CHST4: variants seen among roughly 807,000 people sequenced by gnomAD.
CHST4 encodes GST-3.
For missense variants in CHST4, 466 were observed against 506.0 expected (o/e 0.92, Z 0.76); for synonymous variants, 171 against 195.5 (o/e 0.87, Z 1.05).
Position 71,536,691 on chromosome 16 carries a change from A to G in CHST4, c.14A>G (p.Lys5Arg). The G allele has an allele frequency of 1.3e-6, 2 of 1,491,732 alleles. No individual in the cohort carries two copies. The highest frequency in any genetic ancestry group is 1.8e-6 in the Non-Finnish European group (2 of 1,122,430). 92.4% of individuals were successfully genotyped at this position (1,491,732 alleles called of 1,614,324 possible). The change falls in exon 2 of 2, where the codon AAA becomes AGA. Residue 5 changes from lysine (K) to arginine (R), a missense_variant. By Grantham distance (26) the Lys-to-Arg change is conservative. Transcript: ENST00000539698. MLLP[K>R]KMKLLLFLVS... ...CACTTCAGCACAATGCTACTGCCTA[A>G]AAAAATGAAGCTCCTGCTGTTTCTG...
rs1194314364 is a variant in CHST4, at chr16:71,537,660, T to G, written c.983T>G (p.Leu328Arg). 6.2e-7 allele frequency: 1 copy of G among 1,614,208 alleles called. No individual in the cohort carries two copies. Among genetic ancestry groups the G allele is most frequent in the Non-Finnish European group, 8.5e-7 (1 of 1,180,036 alleles). ...TTCCACACAAATGCCAGGGATGCCCTTAATGTCTCCCAGGCTTGGCGCTGG... is the reference window on the plus strand; with the variant it reads ...TTCCACACAAATGCCAGGGATGCCCGTAATGTCTCCCAGGCTTGGCGCTGG... ...HAFHTNARDA[L>R]NVSQAWRWSL... is the part of the protein sequence containing the mutation. Residue 328 changes from leucine to arginine, a missense_variant, in exon 2 of 2, where the codon CTT (leucine) becomes CGT (arginine). Physicochemically the swap from Leu to Arg is moderately radical, Grantham distance 102 (BLOSUM62 -2). Coordinates refer to ENST00000539698, the MANE Select transcript of CHST4 (RefSeq NM_001166395.2). This position sits in a 1 kb window ranked among gnomAD's most constrained non-coding sequence, Gnocchi z 4.2.
At chr16:71,535,792 A>C (rs763608367) in intron 1 of CHST4, among the ~76,000 whole-genome samples, 49 of 152,180 alleles carry the variant, frequency 3.2e-4, no homozygotes, top group Non-Finnish European at 1.5e-4. Flanking sequence ...ACTCTAATTC[A>C]GCTCAAATAG....
At chr16:71,534,271 C>T (rs2043970704) in intron 1 of CHST4, among the ~76,000 whole-genome samples, 1 of 151,794 alleles carries the variant, frequency 6.6e-6, no homozygotes, top group Non-Finnish European at 1.5e-5. Context: ...TGCCTGTAAT[C>T]CTAGCACTTT....
chr16:71,534,809 T>C (rs1386526522), intron 1 of CHST4, among the ~76,000 whole-genome samples: 2 of 152,210 alleles, frequency 1.3e-5, no homozygotes, highest in Non-Finnish European at 2.9e-5. Context: ...CTCTATTTTT[T>C]ACTAAAGCTG....
At chr16:71,527,621 G>C (rs1162661966) in intron 1 of CHST4, among the ~76,000 whole-genome samples, 7 of 152,100 alleles carry the variant, frequency 4.6e-5, no homozygotes, top group Admixed American at 3.9e-4. Flanking sequence ...ATGGTGGCAG[G>C]CACCTGTAAT....
intron 1 of CHST4, among the ~76,000 whole-genome samples, chr16:71,533,297 C>T (rs372408906): frequency 2.6e-5 from 4 of 151,838 alleles, no homozygotes; most frequent in South Asian, 2.1e-4. Context: ...TGGTGGTGTG[C>T]GCCTGTAGTC....
rs1163915306 is a variant in CHST4 at position 71,529,100 on chromosome 16, G to T, written c.-19+2605G>T. 4.0e-3 allele frequency among the ~76,000 whole-genome samples: 587 copies of T among 145,422 alleles called. 2 individuals are homozygous for T. The highest frequency in any genetic ancestry group is 0.013 in the African/African-American group (524 of 39,008). ...AGTTTGGGTTTTTTGTTTTGTTTTT[G>T]TTTTTTGTTTTTTTTTTTTTGCTTT... is the stretch of plus-strand genomic sequence containing the variant. On this transcript the variant is annotated intron_variant, in intron 1 of 1. Transcript: ENST00000539698.
intron 1 of CHST4, among the ~76,000 whole-genome samples, chr16:71,535,374 T>C (rs1308448765): frequency 1.3e-5 from 2 of 152,186 alleles, no homozygotes; most frequent in Non-Finnish European, 2.9e-5. Context: ...GGTTTTGCCA[T>C]GTTGGCCAGG....
chr16:71,529,333 C>A (rs947581772), intron 1 of CHST4, among the ~76,000 whole-genome samples: 11 of 151,942 alleles, frequency 7.2e-5, no homozygotes, highest in African/African-American at 2.7e-4. Flanking sequence ...CTAACCCATG[C>A]CTCTGACTTT....
chr16:71,526,140 C>G (rs757458132), upstream of CHST4: 1 of 152,114 alleles, frequency 6.6e-6, no homozygotes, highest in Non-Finnish European at 1.5e-5. Context: ...TTCACAGTTG[C>G]CTTTCAGTAG....
intron 1 of CHST4, among the ~76,000 whole-genome samples, chr16:71,528,960 T>C (rs1329784275): frequency 6.6e-6 from 1 of 152,184 alleles, no homozygotes; most frequent in Non-Finnish European, 1.5e-5. Flanking sequence ...CCTAAGGTTC[T>C]CTTGACTCCT....
At chr16:71,536,597 G>A in intron 1 of CHST4, 63 bp from the exon 2 acceptor site, 1 of 1,257,394 alleles carries the variant, frequency 8.0e-7, no homozygotes, top group Non-Finnish European at 1.0e-6. Context: ...TGGCCAGAAG[G>A]GGAATAGAAG....
chr16:71,537,545 A>G lies in CHST4; in HGVS notation c.868A>G (p.Met290Val). ...ARAPVAQTSR[M>V]YEFVGLEFLP... ...AGCCCCTGTGGCCCAGACTTCCCGAATGTATGAATTCGTGGGATTGGAATT... is the reference window on the plus strand; with the variant it reads ...AGCCCCTGTGGCCCAGACTTCCCGAGTGTATGAATTCGTGGGATTGGAATT... The change falls in exon 2 of 2, where the codon ATG becomes GTG. Residue 290 changes from methionine to valine, a missense_variant. Transcript: ENST00000539698. This position sits in a 1 kb window ranked among gnomAD's most constrained non-coding sequence, Gnocchi z 4.2. The G allele has an allele frequency of 6.2e-7, 1 of 1,614,180 alleles. No homozygotes were observed. Among genetic ancestry groups the G allele is most frequent in the Non-Finnish European group, 8.5e-7 (1 of 1,180,042 alleles).
At chr16:71,534,348 C>CTTT (rs548597955) in intron 1 of CHST4, among the ~76,000 whole-genome samples, 21 of 123,370 alleles carry the variant, frequency 1.7e-4, no homozygotes, top group African/African-American at 1.8e-4. Flanking sequence ...ACATTTCTTT[C>CTTT]TTTTTTTTTT....
chr16:71,535,260 T>A (rs2043978962), intron 1 of CHST4, among the ~76,000 whole-genome samples: 1 of 152,138 alleles, frequency 6.6e-6, no homozygotes, highest in South Asian at 2.1e-4. Context: ...ACAACCTCTG[T>A]CTCCCAGGTT....
Position 71,527,468 on chromosome 16 carries a change from C to T in CHST4, c.-19+973C>T, listed in dbSNP as rs555969214. ...AATACATTTAAGAAATACATCTAGC[C>T]AGGCGCGATGGCTCGCGCCTGTAAT... On this transcript the variant is annotated intron_variant, in intron 1 of 1. Coordinates refer to ENST00000539698, the MANE Select transcript of CHST4 (RefSeq NM_001166395.2). Among the ~76,000 whole-genome samples, 26 of 152,288 alleles carry T rather than the reference C, an allele frequency of 1.7e-4. 1 individual carries two copies. The South Asian group carries it at 5.0e-3, about 29-fold the overall frequency.
chr16:71,531,679 A>G (rs9926110), intron 1 of CHST4, among the ~76,000 whole-genome samples: 111,201 of 152,122 alleles, frequency 0.73, 42,237 homozygotes, highest in African/African-American at 0.93. Context: ...GGCCCCAAGC[A>G]GGATGGAGGG....
At chr16:71,532,702 C>G (rs2043957508) in intron 1 of CHST4, among the ~76,000 whole-genome samples, 1 of 152,204 alleles carries the variant, frequency 6.6e-6, no homozygotes, top group African/African-American at 2.4e-5. Context: ...TCTACTCTCA[C>G]AGGTCTCTGG....
At chr16:71,528,348 C>G (rs886453923) in intron 1 of CHST4, among the ~76,000 whole-genome samples, 2 of 151,444 alleles carry the variant, frequency 1.3e-5, no homozygotes, top group African/African-American at 4.9e-5. Flanking sequence ...ATATCTTGCT[C>G]AATCTTCCTT....
Sources: allele counts gnomAD v4.1 joint callset (sites outside exome capture counted in the v4.1 genomes callset), GRCh38; gene constraint gnomAD v4.1.1; non-coding constraint Gnocchi (gnomAD v3.1); transcripts MANE v1.5; gene names NCBI Gene and HGNC (gene_info 2026-07-23, HGNC 2026-07-21).